The following PLXNA4 variants were observed in gnomAD, a reference collection of about 807,000 sequenced individuals.
PLXNA4 encodes plexin A4.
In PLXNA4, 44 loss-of-function variants were observed where a neutral mutation model predicts 191.8. That is an observed-to-expected ratio of 0.23 (90% CI 0.18 to 0.29). The LOEUF is 0.29. Among genes scored for constraint, PLXNA4 ranks in the 10% least tolerant of loss-of-function variants. The pLI, the probability that PLXNA4 is intolerant of heterozygous loss-of-function variation, is 1.00. For synonymous variants in PLXNA4, 1,082 were observed against 1,009.5 expected (o/e 1.07, Z -1.36); for missense variants, 1,800 against 2,488.8 (o/e 0.72, Z 5.89).
chr7:132,298,335 C>T (rs938657736), intron 3 of PLXNA4, 113 bp from the exon 4 acceptor site: 13 of 1,352,736 alleles, frequency 9.6e-6, no homozygotes, highest in South Asian at 1.4e-5. Flanking sequence ...GTTCTGTCTC[C>T]ACAGTGCTCA....
Position 132,210,821 on chromosome 7 carries a change from G to A in PLXNA4, c.2298+122C>T, listed in dbSNP as rs76529957. ...CCAGCAGGCATGGGGGAAGCAGGTA[G>A]GCAGTTTTGTGCGTGTTGAGGAAAC... On this transcript the variant is annotated intron_variant, in intron 10 of 31. Transcript: ENST00000321063. 8.0e-5 allele frequency: 87 copies of A among 1,080,928 alleles called. No individual in the cohort carries two copies. The East Asian group carries it at 2.2e-3, about 27-fold the overall frequency. 67.0% of individuals were successfully genotyped at this position (1,080,928 alleles called of 1,614,324 possible). A position where few individuals can be genotyped will look rare whatever the true frequency, so the allele number is the denominator to read the frequency against.
intron 1 of PLXNA4, among the ~76,000 whole-genome samples, chr7:132,517,375 TAA>T (rs1798983383): frequency 6.6e-6 from 1 of 152,100 alleles, no homozygotes; most frequent in Non-Finnish European, 1.5e-5. Context: ...CCCAGCTGGA[TAA>T]AGAGGACCCT....
At chr7:132,486,153 G>C (rs748555232) in intron 3 of PLXNA4, among the ~76,000 whole-genome samples, 1 of 152,174 alleles carries the variant, frequency 6.6e-6, no homozygotes, top group Admixed American at 6.5e-5. Context: ...AACCAACTCT[G>C]TAATTATGGC....
intron 2 of PLXNA4, among the ~76,000 whole-genome samples, chr7:132,632,081 C>G (rs1005963739): frequency 2.0e-5 from 3 of 151,920 alleles, no homozygotes; most frequent in African/African-American, 7.3e-5. Context: ...ACTAAAAATA[C>G]AAAAATTAGT....
At chr7:132,644,421 G>A (rs1303508824) in intron 2 of PLXNA4, among the ~76,000 whole-genome samples, 2 of 152,182 alleles carry the variant, frequency 1.3e-5, no homozygotes, top group African/African-American at 2.4e-5. Flanking sequence ...ACTTGGTCGT[G>A]GCCTGTGTTC....
At chr7:132,211,229 G>C (rs1797791229) in intron 9 of PLXNA4, 86 bp from the exon 10 acceptor site, 6 of 1,398,478 alleles carry the variant, frequency 4.3e-6, no homozygotes, top group Middle Eastern at 1.8e-4. Flanking sequence ...GATGTTCCCT[G>C]TCTCCACCCT....
intron 1 of PLXNA4, among the ~76,000 whole-genome samples, chr7:132,530,310 C>A (rs1253668673): frequency 6.6e-6 from 1 of 152,070 alleles, no homozygotes; most frequent in Non-Finnish European, 1.5e-5. Flanking sequence ...TAAAAATAGA[C>A]CCAAAAGGTA....
intron 4 of PLXNA4, among the ~76,000 whole-genome samples, chr7:132,275,025 T>C (rs1391313430): frequency 6.6e-6 from 1 of 152,160 alleles, no homozygotes; most frequent in East Asian, 1.9e-4. Flanking sequence ...GTTATTATTT[T>C]CCCTTTGTAG....
intron 1 of PLXNA4, among the ~76,000 whole-genome samples, chr7:132,564,173 TCCTCCTGCCCCTCCTCTC>T: frequency 7.8e-6 from 1 of 128,672 alleles, no homozygotes; most frequent in Non-Finnish European, 1.6e-5. Flanking sequence ...CTTCTCCTCT[TCCTCCTGCCCCTCCTCTC>T]CCTCCTCTTC....
intron 1 of PLXNA4, among the ~76,000 whole-genome samples, chr7:132,544,611 A>G (rs1800216991): frequency 6.6e-6 from 1 of 152,094 alleles, no homozygotes; most frequent in Admixed American, 6.5e-5. Context: ...GATTCTCACT[A>G]TTGGTTCTAC....
At chr7:132,301,141 G>C (rs140637694) in intron 3 of PLXNA4, among the ~76,000 whole-genome samples, 1 of 152,104 alleles carries the variant, frequency 6.6e-6, no homozygotes, top group Non-Finnish European at 1.5e-5. Flanking sequence ...AACTGGAAAG[G>C]CTCCTTCTCT....
In PLXNA4 at chr7:132,508,656, G is replaced by A. The variant is rs1798585629; in HGVS notation, c.38C>T (p.Ser13Phe). 6.4e-7 allele frequency: 1 copy of A among 1,573,192 alleles called. No homozygotes were observed. Among genetic ancestry groups the A allele is most frequent in the South Asian group, 1.2e-5 (1 of 84,934 alleles). The change falls in exon 2 of 32, where the codon TCC (serine) becomes TTC (phenylalanine). Residue 13 changes from serine (S) to phenylalanine (F), a missense_variant. Coordinates refer to ENST00000321063, the MANE Select transcript of PLXNA4 (RefSeq NM_020911.2). This position sits in a 1 kb window ranked among gnomAD's most constrained non-coding sequence, Gnocchi z 4.4. ...GCCCATGCCCACCATGAGGAGGTGGGAGAGAAGGCAGGTCCAGTTCCAGGG... is the reference window on the plus strand; with the variant it reads ...GCCCATGCCCACCATGAGGAGGTGGAAGAGAAGGCAGGTCCAGTTCCAGGG... ...AMPWNWTCLL[S>F]HLLMVGMGSS...
chr7:132,585,387 G>C (rs55783121), intron 2 of PLXNA4, among the ~76,000 whole-genome samples: 1 of 152,162 alleles, frequency 6.6e-6, no homozygotes, highest in Non-Finnish European at 1.5e-5. Flanking sequence ...TGTAGGGAGA[G>C]ACAAAGAAAA....
intron 1 of PLXNA4, among the ~76,000 whole-genome samples, chr7:132,516,680 A>G (rs1313198580): frequency 6.6e-6 from 1 of 152,164 alleles, no homozygotes; most frequent in Non-Finnish European, 1.5e-5. Context: ...TGTCCCTGCC[A>G]GGAGTGGTGA....
chr7:132,305,706 A>C (rs937115889), intron 3 of PLXNA4, among the ~76,000 whole-genome samples: 1 of 152,166 alleles, frequency 6.6e-6, no homozygotes, highest in Admixed American at 6.5e-5. Context: ...CCATTGAAGG[A>C]TTGAACAATA....
intron 3 of PLXNA4, among the ~76,000 whole-genome samples, chr7:132,353,913 AC>A (rs1310409161): frequency 6.6e-6 from 1 of 152,100 alleles, no homozygotes; most frequent in African/African-American, 2.4e-5. Flanking sequence ...AAGCTTTGCA[AC>A]CCCTGAAAGT....
intron 1 of PLXNA4, among the ~76,000 whole-genome samples, chr7:132,647,417 A>C (rs1240531893): frequency 6.6e-6 from 1 of 152,126 alleles, no homozygotes; most frequent in Non-Finnish European, 1.5e-5. Flanking sequence ...ACTGTCATAC[A>C]ATCACACTAT....
chr7:132,419,735 A>C (rs1794785560), intron 3 of PLXNA4, among the ~76,000 whole-genome samples: 1 of 152,192 alleles, frequency 6.6e-6, no homozygotes, highest in African/African-American at 2.4e-5. Context: ...CAGATAAGAA[A>C]TATTCTCAGC....
At chr7:132,187,750 C>G in intron 14 of PLXNA4, 143 bp from the exon 15 acceptor site, 2 of 1,418,834 alleles carry the variant, frequency 1.4e-6, no homozygotes, top group Non-Finnish European at 1.9e-6. Flanking sequence ...CAGGGCAGTT[C>G]TCTTAGGCTT....
Sources: gnomAD v4.1 joint callset for allele counts (sites outside exome capture counted in the v4.1 genomes callset) on GRCh38, gnomAD v4.1.1 for gene constraint, Gnocchi (gnomAD v3.1) non-coding constraint, MANE v1.5 for transcripts, NCBI Gene and HGNC (gene_info 2026-07-23, HGNC 2026-07-21) for gene names.